PARD6G: variants seen among roughly 807,000 people sequenced by gnomAD.
The protein encoded by PARD6G is par-6 family cell polarity regulator gamma, also known as partitioning defective 6 homolog gamma.
A neutral mutation model predicts 10.7 loss-of-function variants in PARD6G; 7 were observed. The observed-to-expected ratio is 0.66, with a 90% CI of 0.37 to 1.23. The LOEUF (loss-of-function observed/expected upper bound fraction) is 1.23. PARD6G is among the 50% of genes most tolerant of loss of function. PARD6G has a pLI of 0.02. For missense variants in PARD6G, 548 were observed against 571.8 expected (o/e 0.96, Z 0.42); for synonymous variants, 287 against 269.4 (o/e 1.07, Z -0.64).
chr18:80,172,092 G>A (rs1327724978), intron 2 of PARD6G, among the ~76,000 whole-genome samples: 5 of 152,160 alleles, frequency 3.3e-5, no homozygotes, highest in Non-Finnish European at 4.4e-5. Context: ...ATGTCTAACT[G>A]TTTGAGGAAC....
intron 1 of PARD6G, among the ~76,000 whole-genome samples, chr18:80,212,898 T>C (rs115876189): frequency 0.021 from 3,124 of 151,888 alleles, 96 homozygotes; most frequent in African/African-American, 0.068. Flanking sequence ...AAAAAAAAAT[T>C]ATCTTGTTTT....
intron 1 of PARD6G, among the ~76,000 whole-genome samples, chr18:80,208,768 A>G (rs992015007): frequency 6.6e-6 from 1 of 152,138 alleles, no homozygotes. Flanking sequence ...TTCCTAAAAA[A>G]GATTGCATTG....
intron 2 of PARD6G, among the ~76,000 whole-genome samples, chr18:80,174,163 CA>C (rs2052794310): frequency 6.6e-6 from 1 of 152,222 alleles, no homozygotes; most frequent in Non-Finnish European, 1.5e-5. Flanking sequence ...AGCAAGTTCA[CA>C]GCCAAGCCTG....
intron 2 of PARD6G, chr18:80,170,426 C>T (rs1412480270): frequency 6.6e-6 from 1 of 152,420 alleles, no homozygotes. Context: ...CACCGTCTAC[C>T]CCCATCTGCC....
Position 80,188,206 on chromosome 18 carries a change from T to G in PARD6G, c.295+14504A>C, listed in dbSNP as rs1343251324. ...ACAGTTAATTAGATACAATTTTGTT[T>G]AATTATGTGAACCTTCTTGGGTCCC... is the stretch of plus-strand genomic sequence containing the variant. On this transcript the variant is annotated intron_variant, in intron 2 of 2. Coordinates refer to ENST00000353265, the MANE Select transcript of PARD6G (RefSeq NM_032510.4). This position sits in a 1 kb window ranked among gnomAD's most constrained non-coding sequence, Gnocchi z 5.4. 6.6e-6 allele frequency among the ~76,000 whole-genome samples: 1 copy of G among 152,200 alleles called. No homozygotes were observed. The highest frequency in any genetic ancestry group is 1.9e-4 in the East Asian group (1 of 5,196).
rs1414493724 is a variant in PARD6G at position 80,175,076 on chromosome 18, A to T, written c.296-14470T>A. 6.6e-6 allele frequency among the ~76,000 whole-genome samples: 1 copy of T among 152,212 alleles called. No individual in the cohort carries two copies. Among genetic ancestry groups the T allele is most frequent in the Admixed American group, 6.5e-5 (1 of 15,276 alleles). ...AGGCTGGGATCAGAAGACTAAACAG[A>T]CTGGAGAAAATGGATTAAACAAAGC... On this transcript the variant is annotated intron_variant, in intron 2 of 2. Transcript: ENST00000353265. The surrounding 1 kb of genome is among the most constrained non-coding windows in gnomAD (Gnocchi z 6.7).
At chr18:80,195,850 G>C (rs1966951819) in intron 2 of PARD6G, among the ~76,000 whole-genome samples, 2 of 150,300 alleles carry the variant, frequency 1.3e-5, no homozygotes, top group Non-Finnish European at 3.0e-5. Context: ...ACTCCAGCCT[G>C]GGCAACAGAG....
At position 80,160,739 on chromosome 18, in the gene PARD6G, C is replaced by T. The variant is rs191102044; in HGVS notation, c.296-133G>A. 3.8e-3 allele frequency: 5,065 copies of T among 1,316,774 alleles called. 77 individuals are homozygous for T. Among genetic ancestry groups the T allele is most frequent in the African/African-American group, 0.027 (1,712 of 64,488 alleles). The allele number at this position is 1,316,774 out of a possible 1,614,324, so 81.6% of individuals were successfully genotyped here. A position where few individuals can be genotyped will look rare whatever the true frequency, so the allele number is the denominator to read the frequency against. On this transcript the variant is annotated intron_variant, in intron 2 of 2. Transcript: ENST00000353265. ...CAGGGTGCACAGGAGCATTCCAGACCTGCAGGCTGAGCTGAAATCAGGCAA... is the reference window on the plus strand; with the variant it reads ...CAGGGTGCACAGGAGCATTCCAGACTTGCAGGCTGAGCTGAAATCAGGCAA...
chr18:80,216,010 G>A (rs1967161815), intron 1 of PARD6G, among the ~76,000 whole-genome samples: 1 of 151,974 alleles, frequency 6.6e-6, no homozygotes, highest in South Asian at 2.1e-4. Flanking sequence ...AGACTTTAAT[G>A]CAAGAGAAAA....
chr18:80,187,392 C>T (rs536082435), intron 2 of PARD6G, among the ~76,000 whole-genome samples: 5 of 152,314 alleles, frequency 3.3e-5, no homozygotes, highest in Admixed American at 2.0e-4. Context: ...AGGCTACACA[C>T]GAGGCGTGTG....
intron 1 of PARD6G, among the ~76,000 whole-genome samples, chr18:80,245,550 G>C (rs1453527400): frequency 6.6e-6 from 1 of 152,150 alleles, no homozygotes; most frequent in African/African-American, 2.4e-5. Flanking sequence ...CTAGTCACAC[G>C]AGATGCCACC....
In PARD6G at chr18:80,175,178, C is replaced by T. The variant is rs531017308; in HGVS notation, c.296-14572G>A. ...CCCAGACTATTTAGTGCAACTAACA[C>T]ATGCTAGATGGGAAACACATAACAC... On this transcript the variant is annotated intron_variant, in intron 2 of 2. Coordinates refer to ENST00000353265, the MANE Select transcript of PARD6G (RefSeq NM_032510.4). This position sits in a 1 kb window ranked among gnomAD's most constrained non-coding sequence, Gnocchi z 6.7. Among the ~76,000 whole-genome samples the T allele has an allele frequency of 2.6e-3, 393 of 152,332 alleles. 2 individuals are homozygous for T. Among genetic ancestry groups the T allele is most frequent in the Non-Finnish European group, 4.4e-3 (300 of 68,038 alleles).
rs1210520774 is a variant in PARD6G, at chr18:80,222,963, A to G, written c.73-20031T>C. On this transcript the variant is annotated intron_variant, in intron 1 of 2. Transcript: ENST00000353265. ...AGTGCTGGGATTACAGGCATGGGCT[A>G]CTGCAGCTGGTAATCAATTTATTTT... Among the ~76,000 whole-genome samples the G allele has an allele frequency of 2.6e-5, 4 of 152,344 alleles. No homozygotes were observed. In the East Asian group the frequency reaches 5.8e-4, roughly 22 times the overall value.
Position 80,183,365 on chromosome 18 carries a change from A to G in PARD6G, c.295+19345T>C, listed in dbSNP as rs1439464128. Among the ~76,000 whole-genome samples the G allele has an allele frequency of 1.3e-5, 2 of 152,200 alleles. No homozygotes were observed. The highest frequency in any genetic ancestry group is 2.9e-5 in the Non-Finnish European group (2 of 68,040). On this transcript the variant is annotated intron_variant, in intron 2 of 2. Coordinates refer to ENST00000353265, the MANE Select transcript of PARD6G (RefSeq NM_032510.4). The surrounding 1 kb of genome is among the most constrained non-coding windows in gnomAD (Gnocchi z 4.5). ...ACCAGCATCCGTCTTCTTCCTTTCC[A>G]GCCAGACAACTCTCCCTGGCCCTAA...
chr18:80,159,963 G>T lies in PARD6G; in HGVS notation c.939C>A (p.Pro313=), dbSNP rs1267689720. 2 of 1,499,828 alleles carry T rather than the reference G, an allele frequency of 1.3e-6. No homozygotes were observed. Among genetic ancestry groups the T allele is most frequent in the South Asian group, 2.7e-5 (2 of 73,956 alleles). The allele number at this position is 1,499,828 out of a possible 1,614,324, so 92.9% of individuals were successfully genotyped here. The change falls in exon 3 of 3, where the codon CCC becomes CCA. Residue 313 remains proline, a synonymous_variant. Coordinates refer to ENST00000353265, the MANE Select transcript of PARD6G (RefSeq NM_032510.4). The stretch of plus-strand genomic sequence containing the variant: ...TGCCTGCGGGCGCGCCCGGGGTCTG[G>T]GGGGGACGTGCAGGCTCCAGTGTGC... The part of the protein sequence containing the change: ...IEGTLEPARP[P]QTPGAPAGSL...
intron 1 of PARD6G, among the ~76,000 whole-genome samples, chr18:80,224,711 A>G (rs373747444): frequency 1.9e-3 from 288 of 152,166 alleles, no homozygotes; most frequent in Middle Eastern, 3.4e-3. Context: ...GCCGGGCGTG[A>G]TGGCGGGCGC....
At position 80,160,740 on chromosome 18, in the gene PARD6G, T is replaced by C. The variant is rs986634473; in HGVS notation, c.296-134A>G. Reference sequence around the variant, plus strand: ...AGGGTGCACAGGAGCATTCCAGACCTGCAGGCTGAGCTGAAATCAGGCAAG... The same window carrying C: ...AGGGTGCACAGGAGCATTCCAGACCCGCAGGCTGAGCTGAAATCAGGCAAG... On this transcript the variant is annotated intron_variant, in intron 2 of 2. Coordinates refer to ENST00000353265, the MANE Select transcript of PARD6G (RefSeq NM_032510.4). 685 of 1,307,358 alleles carry C rather than the reference T, an allele frequency of 5.2e-4. 3 individuals carry two copies. Among genetic ancestry groups the C allele is most frequent in the Non-Finnish European group, 6.6e-4 (661 of 1,008,478 alleles). The allele number at this position is 1,307,358 out of a possible 1,614,324, so 81.0% of individuals were successfully genotyped here.
chr18:80,233,759 T>C (rs888710998), intron 1 of PARD6G, among the ~76,000 whole-genome samples: 6 of 152,190 alleles, frequency 3.9e-5, no homozygotes, highest in African/African-American at 1.4e-4. Context: ...TGAGGGCTTA[T>C]GCACAGGCGT....
chr18:80,230,566 G>A (rs1259186162), intron 1 of PARD6G, among the ~76,000 whole-genome samples: 1 of 152,170 alleles, frequency 6.6e-6, no homozygotes, highest in African/African-American at 2.4e-5. Flanking sequence ...TCGCAGAACT[G>A]CCCAGACGAG....
Sources: allele counts gnomAD v4.1 joint callset (sites outside exome capture counted in the v4.1 genomes callset), GRCh38; gene constraint gnomAD v4.1.1; non-coding constraint Gnocchi (gnomAD v3.1); transcripts MANE v1.5; gene names NCBI Gene and HGNC (gene_info 2026-07-23, HGNC 2026-07-21).